The following KIAA1549L variants were observed in gnomAD, a reference collection of about 807,000 sequenced individuals.
KIAA1549L encodes the protein KIAA1549 like, also known as UPF0606 protein KIAA1549L.
Under a neutral mutation model 160.7 loss-of-function variants are expected in KIAA1549L, and 88 were observed. The ratio of observed to expected loss-of-function variants is 0.55; its 90% confidence interval spans 0.46 to 0.65. KIAA1549L has a LOEUF of 0.65. Ranked by LOEUF, KIAA1549L falls within the 30% of genes least tolerant of loss-of-function variation. The probability of loss-of-function intolerance (pLI) is 0.00; values close to 1 mark genes in which losing one functional copy is unlikely to be tolerated. For missense variants in KIAA1549L, 2,258 were observed against 2,437.5 expected, an observed-to-expected ratio of 0.93 and a Z score of 1.55; for synonymous variants, 950 against 976.7, an observed-to-expected ratio of 0.97 and a Z score of 0.51.
chr11:33,500,836 AGTTT>A (rs1404889802), intron 1 of KIAA1549L, among the ~76,000 whole-genome samples: 2 of 152,258 alleles, frequency 1.3e-5, no homozygotes, highest in African/African-American at 4.8e-5. Flanking sequence ...CCTTTTCATT[AGTTT>A]ATTATAAATA....
chr11:33,433,950 G>C (rs140248217), intron 1 of KIAA1549L, among the ~76,000 whole-genome samples: 1 of 152,052 alleles, frequency 6.6e-6, no homozygotes. Context: ...GGGGTCAGGG[G>C]TGAGGGGAGG....
intron 1 of KIAA1549L, among the ~76,000 whole-genome samples, chr11:33,419,291 A>G (rs1267160265): frequency 1.3e-5 from 2 of 152,232 alleles, no homozygotes; most frequent in Non-Finnish European, 2.9e-5. Context: ...AGAATTGAGT[A>G]ATGAGCCTGG....
At chr11:33,378,741 A>G (rs535839363) in intron 1 of KIAA1549L, among the ~76,000 whole-genome samples, 1 of 151,946 alleles carries the variant, frequency 6.6e-6, no homozygotes, top group African/African-American at 2.4e-5. Flanking sequence ...TCTGAGCTCC[A>G]TGGTTTTCTG....
At chr11:33,650,510 C>T (rs1378926374) in intron 17 of KIAA1549L, among the ~76,000 whole-genome samples, 1 of 152,174 alleles carries the variant, frequency 6.6e-6, no homozygotes, top group African/African-American at 2.4e-5. Flanking sequence ...AGGGGGAAGG[C>T]TGCAGTATCT....
At chr11:33,509,736 C>T (rs941416497) in intron 1 of KIAA1549L, among the ~76,000 whole-genome samples, 6 of 152,182 alleles carry the variant, frequency 3.9e-5, no homozygotes, top group Admixed American at 1.3e-4. Flanking sequence ...ATACACCTGC[C>T]GCTGCTGGAA....
At chr11:33,570,069 T>C (rs1855196800) in intron 9 of KIAA1549L, among the ~76,000 whole-genome samples, 1 of 145,448 alleles carries the variant, frequency 6.9e-6, no homozygotes, top group Non-Finnish European at 1.5e-5. Flanking sequence ...AGTGGCACAA[T>C]ATTGGCACAC....
In KIAA1549L at chr11:33,551,153, C is replaced by T. The variant is rs765322817; in HGVS notation, c.3615C>T (p.Ser1205=). The T allele has an allele frequency of 3.2e-5, 51 of 1,613,818 alleles. No individual in the cohort carries two copies. Among genetic ancestry groups the T allele is most frequent in the Non-Finnish European group, 4.1e-5 (48 of 1,179,868 alleles). The change falls in exon 5 of 21, where the codon AGC becomes AGT. Residue 1205 remains serine (S), a synonymous_variant. Transcript: ENST00000658780. ...VIEMLGVYGV[S]NVTADLKQHT... is the part of the protein sequence containing the mutation. ...AAATGCTGGGTGTGTATGGAGTCAGCAACGTCACTGCAGACCTGAAGCAAC... is the reference window on the plus strand; with the variant it reads ...AAATGCTGGGTGTGTATGGAGTCAGTAACGTCACTGCAGACCTGAAGCAAC...
chr11:33,558,839 CTTTTTTT>C (rs567011766), intron 6 of KIAA1549L, among the ~76,000 whole-genome samples: 23 of 140,598 alleles, frequency 1.6e-4, no homozygotes, highest in African/African-American at 4.7e-4. Flanking sequence ...TTTTTCTTTT[CTTTTTTT>C]TTTTTTTTGA....
intron 4 of KIAA1549L, among the ~76,000 whole-genome samples, chr11:33,548,462 C>T (rs1332747106): frequency 6.6e-6 from 1 of 152,164 alleles, no homozygotes; most frequent in African/African-American, 2.4e-5. Flanking sequence ...CCCATTATCC[C>T]ATCGTTTGGG....
chr11:33,543,090 G>T lies in KIAA1549L; in HGVS notation c.1527G>T (p.Gln509His), dbSNP rs759786781. ...ADFPSILTFL[Q>H]PTENHASPSP... is the part of the protein sequence containing the mutation. Reference sequence around the variant, plus strand: ...TTCCCTCCATACTTACTTTCCTCCAGCCCACAGAGAATCATGCCTCCCCAT... The same window carrying T: ...TTCCCTCCATACTTACTTTCCTCCATCCCACAGAGAATCATGCCTCCCCAT... The change falls in exon 2 of 21, where the codon CAG (glutamine) becomes CAT (histidine). Residue 509 changes from glutamine to histidine, a missense_variant. Physicochemically the swap from Gln to His is conservative, Grantham distance 24 (BLOSUM62 0). This residue lies in a region of KIAA1549L where 540 missense variants were observed against 465.7 expected (regional missense o/e 1.16). Transcript: ENST00000658780. The T allele has an allele frequency of 6.8e-6, 11 of 1,613,868 alleles. No individual in the cohort carries two copies. Among genetic ancestry groups the T allele is most frequent in the Non-Finnish European group, 9.3e-6 (11 of 1,179,890 alleles).
At chr11:33,421,338 G>A (rs747622103) in intron 1 of KIAA1549L, among the ~76,000 whole-genome samples, 4 of 152,212 alleles carry the variant, frequency 2.6e-5, no homozygotes, top group African/African-American at 4.8e-5. Flanking sequence ...AGCTCCCCTG[G>A]TGGGAAGATG....
chr11:33,384,944 GTTTTT>G (rs1169302830), intron 1 of KIAA1549L, among the ~76,000 whole-genome samples: 1 of 123,684 alleles, frequency 8.1e-6, no homozygotes, highest in African/African-American at 3.4e-5. Flanking sequence ...TTTGTTTTTT[GTTTTT>G]TTTTTTTAAA....
At chr11:33,458,921 G>C (rs1166378395) in intron 1 of KIAA1549L, among the ~76,000 whole-genome samples, 2 of 152,226 alleles carry the variant, frequency 1.3e-5, no homozygotes, top group Non-Finnish European at 2.9e-5. Context: ...ACAAGACTTA[G>C]AATCTGAGAA....
At chr11:33,517,821 G>A (rs548636740) in intron 1 of KIAA1549L, among the ~76,000 whole-genome samples, 124 of 152,124 alleles carry the variant, frequency 8.2e-4, no homozygotes, top group African/African-American at 1.8e-3. Context: ...AGGAGTGGAA[G>A]GGGAGAACTT....
At chr11:33,560,850 T>C (rs1854832670) in intron 7 of KIAA1549L, among the ~76,000 whole-genome samples, 2 of 152,226 alleles carry the variant, frequency 1.3e-5, no homozygotes, top group Non-Finnish European at 2.9e-5. Context: ...TTCAAATGTT[T>C]GTTTAATGGC....
At chr11:33,426,955 G>C (rs906110795) in intron 1 of KIAA1549L, among the ~76,000 whole-genome samples, 2 of 152,266 alleles carry the variant, frequency 1.3e-5, no homozygotes, top group Admixed American at 1.3e-4. Flanking sequence ...TTTTATGTAG[G>C]CTCTTTGGGG....
intron 20 of KIAA1549L, among the ~76,000 whole-genome samples, chr11:33,661,638 G>C (rs1852263624): frequency 6.6e-6 from 1 of 152,150 alleles, no homozygotes. Flanking sequence ...CCACCACTTT[G>C]GGAGGCTGAG....
At chr11:33,662,081 A>G (rs1852284906) in intron 20 of KIAA1549L, among the ~76,000 whole-genome samples, 1 of 152,188 alleles carries the variant, frequency 6.6e-6, no homozygotes, top group South Asian at 2.1e-4. Flanking sequence ...GCCTTTTATG[A>G]ATGATTCAGT....
At chr11:33,518,138 CAAAAAAAAAAAAA>C (rs560876643) in intron 1 of KIAA1549L, among the ~76,000 whole-genome samples, 8 of 59,412 alleles carry the variant, frequency 1.3e-4, no homozygotes, top group South Asian at 1.6e-3. Flanking sequence ...GACTCTGTCT[CAAAAAAAAAAAAA>C]AAAAAAAAAA....
Sources: gnomAD v4.1 joint callset for allele counts (sites outside exome capture counted in the v4.1 genomes callset) on GRCh38, gnomAD v4.1.1 for gene constraint, gnomAD v4.1.1 regional missense constraint, MANE v1.5 for transcripts, NCBI Gene and HGNC (gene_info 2026-07-23, HGNC 2026-07-21) for gene names.